Variants in SREK1 observed in about 807,000 individuals in gnomAD.
The protein encoded by SREK1 is splicing regulatory glutamine/lysine-rich protein 1.
In SREK1, 13 loss-of-function variants were observed where a neutral mutation model predicts 66.5. The observed-to-expected ratio is 0.20, with a 90% CI of 0.13 to 0.31. The LOEUF (loss-of-function observed/expected upper bound fraction) is 0.31, where lower values mean the gene tolerates loss of function less well. Ranked by LOEUF, SREK1 falls within the 10% of genes least tolerant of loss-of-function variation. SREK1 has a pLI of 1.00. For synonymous variants in SREK1, 265 were observed against 263.5 expected (o/e 1.01, Z -0.05); for missense variants, 607 against 769.6 (o/e 0.79, Z 2.50).
chr5:66,156,075 T>C (rs1744259400), intron 2 of SREK1: 1 of 1,529,980 alleles, frequency 6.5e-7, no homozygotes, highest in African/African-American at 1.4e-5. Context: ...ATGACTAGAC[T>C]GGCCAAGGCA....
chr5:66,145,370 CTTTTT>C lies in SREK1; in HGVS notation c.161+835_161+839del, dbSNP rs995579196. 5.9e-3 allele frequency among the ~76,000 whole-genome samples: 891 copies of C among 150,772 alleles called. 12 individuals are homozygous for C. The highest frequency in any genetic ancestry group is 0.021 in the African/African-American group (856 of 40,276). ...ACATTCTTGCACACAAACTTTTTTT[CTTTTT>C]TAATGGTAGATCTTACAGTATTAAG... On this transcript the variant is annotated intron_variant, in intron 1 of 11. Transcript: ENST00000334121.
intron 6 of SREK1, 184 bp downstream of exon 6, chr5:66,164,106 T>C: frequency 1.5e-6 from 1 of 659,828 alleles, no homozygotes; most frequent in African/African-American, 1.8e-5. Context: ...TATCTCTTTC[T>C]GTGATACTGA....
intron 9 of SREK1, among the ~76,000 whole-genome samples, chr5:66,171,879 C>G (rs1343841608): frequency 6.6e-6 from 1 of 152,156 alleles, no homozygotes; most frequent in Non-Finnish European, 1.5e-5. Flanking sequence ...ATCCTCACAA[C>G]AGGCCTGGGA....
At chr5:66,176,632 A>C (rs1303630037) in intron 10 of SREK1, among the ~76,000 whole-genome samples, 1 of 152,074 alleles carries the variant, frequency 6.6e-6, no homozygotes, top group Non-Finnish European at 1.5e-5. Context: ...GTAGACAAGG[A>C]ATGTGGTATA....
At chr5:66,165,025 C>A in intron 7 of SREK1, 128 bp downstream of exon 7, 1 of 805,506 alleles carries the variant, frequency 1.2e-6, no homozygotes. Flanking sequence ...AGTGTGGTTA[C>A]CTTTAAATAT....
At chr5:66,161,991 T>C (rs1231974902) in intron 3 of SREK1, 118 bp from the exon 4 acceptor site, 1 of 1,161,446 alleles carries the variant, frequency 8.6e-7, no homozygotes, top group East Asian at 2.6e-5. Context: ...AAGTTCGGAG[T>C]CCCTAGTCTC....
Position 66,178,737 on chromosome 5 carries a change from G to A in SREK1, c.1744G>A (p.Glu582Lys). Residue 582 changes from glutamate (E) to lysine (K), a missense_variant, in exon 12 of 12, where the codon GAA becomes AAA. Coordinates refer to ENST00000334121, the MANE Select transcript of SREK1 (RefSeq NM_001077199.3). ...TSLKEKEHNK[E>K]PDSSVSKEVD... ...ATTGTAGGAGAAAGAGCACAATAAA[G>A]AACCAGATTCAAGTGTGAGCAAAGA... 3 of 1,610,814 alleles carry A rather than the reference G, an allele frequency of 1.9e-6. No individual in the cohort carries two copies. The South Asian group carries it at 3.3e-5, about 18-fold the overall frequency.
intron 2 of SREK1, chr5:66,156,260 TTTTTTG>T (rs769428488): frequency 5.0e-4 from 662 of 1,312,870 alleles, no homozygotes; most frequent in African/African-American, 2.0e-3. Context: ...TTTTGTCCCT[TTTTTTG>T]TTTTTGTTTT....
chr5:66,171,530 G>GAAC (rs1745647568), intron 9 of SREK1, among the ~76,000 whole-genome samples: 1 of 152,062 alleles, frequency 6.6e-6, no homozygotes, highest in Non-Finnish European at 1.5e-5. Flanking sequence ...TGTACAATGA[G>GAAC]AACAACTTTT....
At chr5:66,155,982 A>G in intron 2 of SREK1, 5 of 1,527,760 alleles carry the variant, frequency 3.3e-6, no homozygotes, top group Non-Finnish European at 4.4e-6. Context: ...TCATAACTTT[A>G]TGTCCACATT....
At chr5:66,161,397 C>T (rs1384387430) in intron 3 of SREK1, among the ~76,000 whole-genome samples, 5 of 152,122 alleles carry the variant, frequency 3.3e-5, no homozygotes, top group African/African-American at 1.2e-4. Context: ...GCACGGAGGT[C>T]GAAATCTTCT....
intron 1 of SREK1, among the ~76,000 whole-genome samples, chr5:66,151,665 A>G (rs1471035555): frequency 6.6e-6 from 1 of 152,034 alleles, no homozygotes; most frequent in Non-Finnish European, 1.5e-5. Flanking sequence ...GGTCATGTAA[A>G]GGTGGTGAGT....
chr5:66,157,123 A>T (rs1744352842), intron 2 of SREK1: 1 of 944,930 alleles, frequency 1.1e-6, no homozygotes, highest in African/African-American at 1.8e-5. Flanking sequence ...TTAGAATGGT[A>T]ATTGAAAGTT....
At chr5:66,144,894 C>A (rs1156760690) in intron 1 of SREK1, 1 of 1,004,640 alleles carries the variant, frequency 1.0e-6, no homozygotes, top group Non-Finnish European at 1.2e-6. Context: ...TCATGGCAAA[C>A]GTCTCAGAGC....
chr5:66,157,303 G>C (rs1744367560), intron 2 of SREK1: 1 of 984,406 alleles, frequency 1.0e-6, no homozygotes, highest in Non-Finnish European at 1.2e-6. Context: ...GGCCAGTGTT[G>C]AATACCCTTT....
intron 2 of SREK1, among the ~76,000 whole-genome samples, chr5:66,155,062 A>AGTGTTGCTTGGTTGAAACT (rs1554075464): frequency 6.6e-6 from 1 of 152,068 alleles, no homozygotes; most frequent in Non-Finnish European, 1.5e-5. Flanking sequence ...GAATTTTATC[A>AGTGTTGCTTGGTTGAAACT]GTGTTGCTTG....
At chr5:66,168,080 AAAAAT>A (rs768017661) in intron 7 of SREK1, 2 of 152,042 alleles carry the variant, frequency 1.3e-5, no homozygotes, top group Non-Finnish European at 2.9e-5. Flanking sequence ...GTCTTTGGAA[AAAAAT>A]AAAATAAAAA....
In SREK1 at chr5:66,159,210, C is replaced by T; in HGVS notation, c.296-9C>T. On this transcript the variant is annotated splice_polypyrimidine_tract_variant and intron_variant, in intron 2 of 11. Transcript: ENST00000334121. ...TGCTTTTTGTAATGTTTGGAACTTG[C>T]CTCTGCAGGTAAAATCCCAGAGGAA... 1 of 1,606,376 alleles carries T rather than the reference C, an allele frequency of 6.2e-7. No homozygotes were observed. Among genetic ancestry groups the T allele is most frequent in the South Asian group, 1.1e-5 (1 of 89,510 alleles).
rs1191838088 is a variant in SREK1, at chr5:66,170,315, T to C, written c.1121+145T>C. Reference sequence around the variant, plus strand: ...GAGAAATTAAACCTTTTTTATTGTTTTAGTAATCTAGGATTAATATTGATT... The same window carrying C: ...GAGAAATTAAACCTTTTTTATTGTTCTAGTAATCTAGGATTAATATTGATT... On this transcript the variant is annotated intron_variant, in intron 8 of 11. Transcript: ENST00000334121. The C allele has an allele frequency of 3.3e-6, 4 of 1,204,390 alleles. No individual in the cohort carries two copies. In the Admixed American group the frequency reaches 8.4e-5, roughly 25 times the overall value. 74.6% of individuals were successfully genotyped at this position (1,204,390 alleles called of 1,614,324 possible).
Sources: allele counts gnomAD v4.1 joint callset (sites outside exome capture counted in the v4.1 genomes callset), GRCh38; gene constraint gnomAD v4.1.1; transcripts MANE v1.5; gene names NCBI Gene and HGNC (gene_info 2026-07-23, HGNC 2026-07-21).